Variants in PTPRN2 observed in about 807,000 individuals in gnomAD.
PTPRN2 encodes the protein receptor-type tyrosine-protein phosphatase N2.
A neutral mutation model predicts 118.8 loss-of-function variants in PTPRN2; 74 were observed. That is an observed-to-expected ratio of 0.62 (90% CI 0.52 to 0.76). The LOEUF is 0.76. PTPRN2 is among the 30% of genes least tolerant of loss of function. The probability of loss-of-function intolerance (pLI) is 0.00; values close to 1 mark genes in which losing one functional copy is unlikely to be tolerated. For missense variants in PTPRN2, 1,481 were observed against 1,394.4 expected (o/e 1.06, Z -0.99); for synonymous variants, 641 against 608.0 (o/e 1.05, Z -0.80).
intron 13 of PTPRN2, among the ~76,000 whole-genome samples, chr7:157,670,688 G>A (rs983674700): frequency 2.0e-5 from 3 of 152,076 alleles, no homozygotes; most frequent in South Asian, 2.1e-4. Flanking sequence ...ATGACTCACC[G>A]GGCAATTAAG....
intron 1 of PTPRN2, among the ~76,000 whole-genome samples, chr7:158,505,081 C>G (rs750760559): frequency 6.6e-6 from 1 of 152,184 alleles, no homozygotes; most frequent in Non-Finnish European, 1.5e-5. Context: ...ATCCAAGGCT[C>G]TAACAAAAGT....
intron 11 of PTPRN2, among the ~76,000 whole-genome samples, chr7:157,961,957 G>C (rs887318747): frequency 6.6e-6 from 1 of 152,126 alleles, no homozygotes; most frequent in Non-Finnish European, 1.5e-5. Context: ...ACCTGGACCC[G>C]GGGTGTGTGG....
At chr7:157,852,615 A>T (rs966073958) in intron 12 of PTPRN2, among the ~76,000 whole-genome samples, 1 of 152,188 alleles carries the variant, frequency 6.6e-6, no homozygotes, top group Non-Finnish European at 1.5e-5. Flanking sequence ...TCACGCCTGT[A>T]ATCCCAGCAC....
chr7:157,593,621 G>A (rs1296434688), intron 17 of PTPRN2, among the ~76,000 whole-genome samples: 2 of 152,222 alleles, frequency 1.3e-5, no homozygotes, highest in Non-Finnish European at 2.9e-5. Flanking sequence ...CGGGGTGAGC[G>A]TGCACAGCAG....
chr7:158,008,763 G>C (rs79092694), intron 11 of PTPRN2, among the ~76,000 whole-genome samples: 2,277 of 152,288 alleles, frequency 0.015, 48 homozygotes, highest in African/African-American at 0.051. Context: ...AGTGACTCTA[G>C]TATCACCGTT....
At chr7:158,318,620 C>T (rs1802546318) in intron 2 of PTPRN2, among the ~76,000 whole-genome samples, 1 of 152,256 alleles carries the variant, frequency 6.6e-6, no homozygotes, top group Non-Finnish European at 1.5e-5. Context: ...CCCAGGGCTC[C>T]ACTCAGCCGC....
chr7:157,557,980 C>T (rs1051808950), intron 21 of PTPRN2, among the ~76,000 whole-genome samples: 1 of 150,562 alleles, frequency 6.6e-6, no homozygotes, highest in Non-Finnish European at 1.5e-5. Flanking sequence ...TGGTAAGTTT[C>T]TATCGACTGC....
Position 158,544,615 on chromosome 7 carries a change from G to A in PTPRN2, c.112+42943C>T, listed in dbSNP as rs963257217. On this transcript the variant is annotated intron_variant, in intron 1 of 22. Coordinates refer to ENST00000389418, the MANE Select transcript of PTPRN2 (RefSeq NM_002847.5). The surrounding 1 kb of genome is among the most constrained non-coding windows in gnomAD (Gnocchi z 4.2). ...ATCGCACCATTGTACTCCAGCCTGG[G>A]CAACAAGAACCAAACTCTGTCTCAA... Among the ~76,000 whole-genome samples, 4 of 151,376 alleles carry A rather than the reference G, an allele frequency of 2.6e-5. No individual in the cohort carries two copies. Among genetic ancestry groups the A allele is most frequent in the African/African-American group, 4.9e-5 (2 of 41,160 alleles).
chr7:157,681,830 A>G (rs568310680), intron 13 of PTPRN2, among the ~76,000 whole-genome samples: 2 of 152,338 alleles, frequency 1.3e-5, no homozygotes, highest in South Asian at 4.1e-4. Context: ...CGTATTGCAC[A>G]CTGTAATCAT....
chr7:158,095,754 G>T (rs1331736466), intron 10 of PTPRN2, among the ~76,000 whole-genome samples: 2 of 152,162 alleles, frequency 1.3e-5, no homozygotes, highest in Non-Finnish European at 2.9e-5. Context: ...TCTGGTTCTG[G>T]TTTTGCAGAG....
chr7:158,065,069 C>T (rs1810653168), intron 11 of PTPRN2, among the ~76,000 whole-genome samples: 1 of 152,258 alleles, frequency 6.6e-6, no homozygotes. Flanking sequence ...TGGCATACTT[C>T]TGGGTGAGAG....
intron 11 of PTPRN2, among the ~76,000 whole-genome samples, chr7:157,991,002 A>G (rs928958936): frequency 1.3e-5 from 2 of 152,170 alleles, no homozygotes; most frequent in South Asian, 4.1e-4. Context: ...CTGACTCTGA[A>G]GGTGTGCGGG....
chr7:157,551,453 C>A (rs1013172833), intron 21 of PTPRN2, among the ~76,000 whole-genome samples: 1 of 151,944 alleles, frequency 6.6e-6, no homozygotes, highest in Admixed American at 6.6e-5. Flanking sequence ...AAAGGAAGGC[C>A]GCTGGCCACC....
chr7:157,810,733 A>G (rs13228387), intron 12 of PTPRN2, among the ~76,000 whole-genome samples: 44,206 of 102,838 alleles, frequency 0.43, 8,816 homozygotes, highest in African/African-American at 0.63. Flanking sequence ...GGACTGCTGG[A>G]GGCTGGCTCT....
intron 11 of PTPRN2, among the ~76,000 whole-genome samples, chr7:157,985,520 A>G (rs1475120614): frequency 2.0e-5 from 3 of 152,242 alleles, no homozygotes; most frequent in African/African-American, 7.2e-5. Context: ...AAAATGGGAA[A>G]GAAAGAGAAG....
chr7:158,109,769 C>T (rs1019514649), intron 10 of PTPRN2, among the ~76,000 whole-genome samples: 4 of 149,028 alleles, frequency 2.7e-5, no homozygotes, highest in Admixed American at 6.7e-5. Flanking sequence ...CTGTGTGAAG[C>T]GTCAGTGAGT....
At chr7:157,907,055 C>T (rs530184519) in intron 11 of PTPRN2, among the ~76,000 whole-genome samples, 1 of 152,354 alleles carries the variant, frequency 6.6e-6, no homozygotes, top group East Asian at 1.9e-4. Flanking sequence ...GCCATGGAAG[C>T]TGTCACCAGT....
At chr7:158,131,049 T>G (rs113392339) in intron 9 of PTPRN2, among the ~76,000 whole-genome samples, 165 of 66,092 alleles carry the variant, frequency 2.5e-3, no homozygotes, top group African/African-American at 9.1e-3. Flanking sequence ...CACACGTACA[T>G]ACAGACACCT....
At chr7:158,277,764 C>G (rs1193979107) in intron 3 of PTPRN2, among the ~76,000 whole-genome samples, 5 of 152,202 alleles carry the variant, frequency 3.3e-5, no homozygotes, top group Admixed American at 1.3e-4. Flanking sequence ...GTGGTCAGGC[C>G]ACCCTGGGAA....
Sources: gnomAD v4.1 joint callset for allele counts (sites outside exome capture counted in the v4.1 genomes callset) on GRCh38, gnomAD v4.1.1 for gene constraint, Gnocchi (gnomAD v3.1) non-coding constraint, MANE v1.5 for transcripts, NCBI Gene and HGNC (gene_info 2026-07-23, HGNC 2026-07-21) for gene names.